AGPAT4: variants seen among roughly 807,000 people sequenced by gnomAD.
AGPAT4 encodes the protein 1-acylglycerol-3-phosphate O-acyltransferase 4, also known as 1-acyl-sn-glycerol-3-phosphate acyltransferase delta.
A neutral mutation model predicts 48.0 loss-of-function variants in AGPAT4; 15 were observed. The ratio of observed to expected loss-of-function variants is 0.31; its 90% CI spans 0.21 to 0.48. AGPAT4 has a LOEUF of 0.48. Ranked by LOEUF, AGPAT4 falls within the 20% of genes least tolerant of loss-of-function variation. AGPAT4 has a pLI of 0.99. For missense variants in AGPAT4, 314 were observed against 482.5 expected, an observed-to-expected ratio of 0.65 and a Z score of 3.27; for synonymous variants, 178 against 198.7, an observed-to-expected ratio of 0.90 and a Z score of 0.88.
intron 1 of AGPAT4, among the ~76,000 whole-genome samples, chr6:161,260,643 G>A (rs1783070901): frequency 9.5e-6 from 1 of 105,714 alleles, no homozygotes; most frequent in Non-Finnish European, 1.8e-5. Context: ...GCCACAAAAG[G>A]AGACTACGTC....
Position 161,143,551 on chromosome 6 carries a change from G to A in AGPAT4, c.843+2973C>T, listed in dbSNP as rs1230414070. Among the ~76,000 whole-genome samples, 1 of 152,200 alleles carries A rather than the reference G, an allele frequency of 6.6e-6. No homozygotes were observed. The highest frequency in any genetic ancestry group is 2.4e-5 in the African/African-American group (1 of 41,434). ...GCTATCGTGACCTCCCTGGAAAAAAGGGGGTTCTGAGGTTGTAGGTTCAGC... is the reference window on the plus strand; with the variant it reads ...GCTATCGTGACCTCCCTGGAAAAAAAGGGGTTCTGAGGTTGTAGGTTCAGC... On this transcript the variant is annotated intron_variant, in intron 7 of 8. Transcript: ENST00000320285. This position sits in a 1 kb window ranked among gnomAD's most constrained non-coding sequence, Gnocchi z 4.7.
Position 161,144,867 on chromosome 6 carries a change from G to T in AGPAT4, c.843+1657C>A, listed in dbSNP as rs887633335. Among the ~76,000 whole-genome samples the T allele has an allele frequency of 2.6e-5, 4 of 152,096 alleles. No homozygotes were observed. The highest frequency in any genetic ancestry group is 2.6e-4 in the Admixed American group (4 of 15,286). On this transcript the variant is annotated intron_variant, in intron 7 of 8. Transcript: ENST00000320285. This position sits in a 1 kb window ranked among gnomAD's most constrained non-coding sequence, Gnocchi z 6.6. The stretch of plus-strand genomic sequence containing the variant: ...ATGGTGGCGGGTGCCTGTAGTCCCA[G>T]ATATTTGGGAGGCTGAGGCAGGAGA...
rs1782212980 is a variant in AGPAT4, at chr6:161,234,448, T to A, written c.-89-2146A>T. 6.6e-6 allele frequency among the ~76,000 whole-genome samples: 1 copy of A among 152,076 alleles called. No homozygotes were observed. The highest frequency in any genetic ancestry group is 2.4e-5 in the African/African-American group (1 of 41,408). ...TCTCTGGCCTTTCGCAGACGGCATTTCCACAGATATTTCCAGGCTGGAAAA... is the reference window on the plus strand; with the variant it reads ...TCTCTGGCCTTTCGCAGACGGCATTACCACAGATATTTCCAGGCTGGAAAA... On this transcript the variant is annotated intron_variant, in intron 1 of 8. Transcript: ENST00000320285. The surrounding 1 kb of genome is among the most constrained non-coding windows in gnomAD (Gnocchi z 4.4).
rs1312977766 is a variant in AGPAT4, at chr6:161,131,326, GAGGA to G, written c.*5210_*5213del. On this transcript the variant is annotated 3_prime_UTR_variant, in exon 9 of 9. Transcript: ENST00000320285. Reference sequence around the variant, plus strand: ...AAACTAGGATGAGGCTGCAGGAGCTGAGGAAGGAAGGCCTGGGTGGGAACCTGGA... The same window carrying G: ...AAACTAGGATGAGGCTGCAGGAGCTGAGGAAGGCCTGGGTGGGAACCTGGA... 2 of 154,758 alleles carry G rather than the reference GAGGA, an allele frequency of 1.3e-5. No homozygotes were observed. Among genetic ancestry groups the G allele is most frequent in the Non-Finnish European group, 2.9e-5 (2 of 69,514 alleles). 9.6% of individuals were successfully genotyped at this position (154,758 alleles called of 1,614,324 possible). A position where few individuals can be genotyped will look rare whatever the true frequency, so the allele number is the denominator to read the frequency against.
chr6:161,255,551 A>C lies in AGPAT4; in HGVS notation c.-90+18387T>G, dbSNP rs2114741077. ...TATTCTCCAGCCACAAGAAAGAATA[A>C]ATTAATTACTGATACATGCTACAAC... On this transcript the variant is annotated intron_variant, in intron 1 of 8. Coordinates refer to ENST00000320285, the MANE Select transcript of AGPAT4 (RefSeq NM_020133.3). The surrounding 1 kb of genome is among the most constrained non-coding windows in gnomAD (Gnocchi z 4.7). 6.6e-6 allele frequency among the ~76,000 whole-genome samples: 1 copy of C among 152,368 alleles called. No individual in the cohort carries two copies. The highest frequency in any genetic ancestry group is 2.1e-4 in the South Asian group (1 of 4,830).
intron 1 of AGPAT4, among the ~76,000 whole-genome samples, chr6:161,271,012 C>A (rs1439065770): frequency 1.3e-5 from 2 of 152,182 alleles, no homozygotes; most frequent in African/African-American, 4.8e-5. Flanking sequence ...TCTGGCCTTT[C>A]GTTGTTAAGC....
At chr6:161,181,973 G>A (rs1473023914) in intron 2 of AGPAT4, among the ~76,000 whole-genome samples, 1 of 152,164 alleles carries the variant, frequency 6.6e-6, no homozygotes, top group Non-Finnish European at 1.5e-5. Flanking sequence ...TCCCTCTGCA[G>A]TATAAAGCAT....
Position 161,171,688 on chromosome 6 carries a change from G to C in AGPAT4, c.179-5271C>G, listed in dbSNP as rs142037823. 0.056 allele frequency among the ~76,000 whole-genome samples: 8,382 copies of C among 149,666 alleles called. 326 individuals are homozygous for C. The highest frequency in any genetic ancestry group is 0.07 in the Non-Finnish European group (4,767 of 67,648). On this transcript the variant is annotated intron_variant, in intron 2 of 8. Coordinates refer to ENST00000320285, the MANE Select transcript of AGPAT4 (RefSeq NM_020133.3). This position sits in a 1 kb window ranked among gnomAD's most constrained non-coding sequence, Gnocchi z 4.4. ...GCAGATCACAAGGTCAGGAGATCGA[G>C]ACCATCCTGGCTAACACAGTGAAAC... is the stretch of plus-strand genomic sequence containing the variant.
chr6:161,217,824 T>C lies in AGPAT4; in HGVS notation c.178+14212A>G, dbSNP rs1382185224. On this transcript the variant is annotated intron_variant, in intron 2 of 8. Coordinates refer to ENST00000320285, the MANE Select transcript of AGPAT4 (RefSeq NM_020133.3). This position sits in a 1 kb window ranked among gnomAD's most constrained non-coding sequence, Gnocchi z 4.9. ...CCAGGCCACTGCCCTGGGACAGGAC[T>C]CACAGGCAGCACAGCTGGTGCCTCT... Among the ~76,000 whole-genome samples the C allele has an allele frequency of 6.6e-6, 1 of 152,118 alleles. No homozygotes were observed. The highest frequency in any genetic ancestry group is 2.4e-5 in the African/African-American group (1 of 41,360).
chr6:161,259,914 C>A lies in AGPAT4; in HGVS notation c.-90+14024G>T, dbSNP rs1381140128. ...TCGTAAGTTCACCATTGAGTCACAT[C>A]CTGGTTCTTGCTTCCCTTCTCAGAC... On this transcript the variant is annotated intron_variant, in intron 1 of 8. Coordinates refer to ENST00000320285, the MANE Select transcript of AGPAT4 (RefSeq NM_020133.3). The surrounding 1 kb of genome is among the most constrained non-coding windows in gnomAD (Gnocchi z 4.9). Among the ~76,000 whole-genome samples, 1 of 152,200 alleles carries A rather than the reference C, an allele frequency of 6.6e-6. No homozygotes were observed. The highest frequency in any genetic ancestry group is 6.5e-5 in the Admixed American group (1 of 15,286).
At position 161,143,680 on chromosome 6, in the gene AGPAT4, C is replaced by T. The variant is rs866656313; in HGVS notation, c.843+2844G>A. Among the ~76,000 whole-genome samples, 5 of 152,186 alleles carry T rather than the reference C, an allele frequency of 3.3e-5. No homozygotes were observed. The highest frequency in any genetic ancestry group is 2.1e-4 in the South Asian group (1 of 4,834). ...CAACAACACGAGTCCCAAATGCTGA[C>T]GAGCAAGAAATACTGTGCATTTTTC... On this transcript the variant is annotated intron_variant, in intron 7 of 8. Coordinates refer to ENST00000320285, the MANE Select transcript of AGPAT4 (RefSeq NM_020133.3). This position sits in a 1 kb window ranked among gnomAD's most constrained non-coding sequence, Gnocchi z 4.7.
rs1339885189 is a variant in AGPAT4 at position 161,246,127 on chromosome 6, A to G, written c.-89-13825T>C. The stretch of plus-strand genomic sequence containing the variant: ...AGTTTCATTAGCAGCAGCAGTGATC[A>G]AACATGTGTCAGGGCCTTCTCTCTC... On this transcript the variant is annotated intron_variant, in intron 1 of 8. Transcript: ENST00000320285. This position sits in a 1 kb window ranked among gnomAD's most constrained non-coding sequence, Gnocchi z 5.5. 6.6e-6 allele frequency among the ~76,000 whole-genome samples: 1 copy of G among 152,190 alleles called. No homozygotes were observed. The highest frequency in any genetic ancestry group is 6.5e-5 in the Admixed American group (1 of 15,280).
rs916394284 is a variant in AGPAT4 at position 161,232,309 on chromosome 6, CACAA to C, written c.-89-11_-89-8del. ...CCAGGACTCAGGAAGGCGTCTAAAA[CACAA>C]ACAAATAGGAAATGTTAGCAAAAAC... On this transcript the variant is annotated splice_polypyrimidine_tract_variant and splice_region_variant and intron_variant, in intron 1 of 8. Coordinates refer to ENST00000320285, the MANE Select transcript of AGPAT4 (RefSeq NM_020133.3). This position sits in a 1 kb window ranked among gnomAD's most constrained non-coding sequence, Gnocchi z 6.8. The C allele has an allele frequency of 7.6e-5, 93 of 1,231,552 alleles. No homozygotes were observed. The highest frequency in any genetic ancestry group is 2.3e-4 in the African/African-American group (15 of 65,850). 76.3% of individuals were successfully genotyped at this position (1,231,552 alleles called of 1,614,324 possible).
In AGPAT4 at chr6:161,218,890, A is replaced by G. The variant is rs929530883; in HGVS notation, c.178+13146T>C. 1.0e-4 allele frequency among the ~76,000 whole-genome samples: 15 copies of G among 150,714 alleles called. No homozygotes were observed. Among genetic ancestry groups the G allele is most frequent in the African/African-American group, 2.2e-4 (9 of 41,170 alleles). ...TAAAACACTGTATCTACCAAACAGT[A>G]TGATAAAACACTGTATCTACCAAAG... On this transcript the variant is annotated intron_variant, in intron 2 of 8. Transcript: ENST00000320285. The surrounding 1 kb of genome is among the most constrained non-coding windows in gnomAD (Gnocchi z 4.7).
chr6:161,205,879 T>C (rs1042647090), intron 2 of AGPAT4, among the ~76,000 whole-genome samples: 8 of 152,118 alleles, frequency 5.3e-5, no homozygotes, highest in Admixed American at 1.3e-4. Context: ...TGGGATAAGA[T>C]AGAGTAGGCA....
chr6:161,251,844 C>A lies in AGPAT4; in HGVS notation c.-89-19542G>T, dbSNP rs957586159. 2.6e-5 allele frequency among the ~76,000 whole-genome samples: 4 copies of A among 152,164 alleles called. No individual in the cohort carries two copies. Among genetic ancestry groups the A allele is most frequent in the African/African-American group, 9.7e-5 (4 of 41,438 alleles). Reference sequence around the variant, plus strand: ...AACAAAAGCAGAGAGGGGGAGCAGCCATTTAGATTCTTCTAAAGGGATACA... The same window carrying A: ...AACAAAAGCAGAGAGGGGGAGCAGCAATTTAGATTCTTCTAAAGGGATACA... On this transcript the variant is annotated intron_variant, in intron 1 of 8. Coordinates refer to ENST00000320285, the MANE Select transcript of AGPAT4 (RefSeq NM_020133.3). This position sits in a 1 kb window ranked among gnomAD's most constrained non-coding sequence, Gnocchi z 4.6.
intron 3 of AGPAT4, among the ~76,000 whole-genome samples, chr6:161,162,669 C>T (rs926172243): frequency 2.6e-5 from 4 of 152,228 alleles, no homozygotes; most frequent in African/African-American, 9.6e-5. Flanking sequence ...CATCACGCTG[C>T]CATGGATAAC....
chr6:161,176,542 A>C (rs1403007961), intron 2 of AGPAT4, among the ~76,000 whole-genome samples: 1 of 152,074 alleles, frequency 6.6e-6, no homozygotes, highest in East Asian at 1.9e-4. Flanking sequence ...GTCTCTGTAC[A>C]TGAGATGGGT....
At position 161,143,353 on chromosome 6, in the gene AGPAT4, G is replaced by A. The variant is rs1779316511; in HGVS notation, c.843+3171C>T. Among the ~76,000 whole-genome samples, 1 of 152,190 alleles carries A rather than the reference G, an allele frequency of 6.6e-6. No homozygotes were observed. On this transcript the variant is annotated intron_variant, in intron 7 of 8. Transcript: ENST00000320285. The surrounding 1 kb of genome is among the most constrained non-coding windows in gnomAD (Gnocchi z 4.7). ...GCCTCCCAAAGTGCTTACTCCCAAA[G>A]GGATTACTGGCATGAGCCACTGTGC...
Sources: gnomAD v4.1 joint callset for allele counts (sites outside exome capture counted in the v4.1 genomes callset) on GRCh38, gnomAD v4.1.1 for gene constraint, Gnocchi (gnomAD v3.1) non-coding constraint, MANE v1.5 for transcripts, NCBI Gene and HGNC (gene_info 2026-07-23, HGNC 2026-07-21) for gene names.